Variants in YIPF1 observed in about 807,000 individuals in gnomAD.
The protein encoded by YIPF1 is protein YIPF1.
YIPF1 carries 22 observed loss-of-function variants against 37.0 expected under a neutral mutation model. That is an observed-to-expected ratio of 0.59 (90% CI 0.42 to 0.85). The LOEUF (loss-of-function observed/expected upper bound fraction) is 0.85. Ranked by LOEUF, YIPF1 falls within the 40% of genes least tolerant of loss-of-function variation. YIPF1 has a pLI of 0.00. For missense variants in YIPF1, 355 were observed against 373.1 expected, an observed-to-expected ratio of 0.95 and a Z score of 0.40; for synonymous variants, 128 against 131.9, an observed-to-expected ratio of 0.97 and a Z score of 0.21.
chr1:53,864,068 A>G (rs1036227240), intron 9 of YIPF1, among the ~76,000 whole-genome samples: 1 of 152,034 alleles, frequency 6.6e-6, no homozygotes, highest in African/African-American at 2.4e-5. Flanking sequence ...TAATAACCAT[A>G]ATAGCTCCCT....
intron 10 of YIPF1, among the ~76,000 whole-genome samples, chr1:53,856,205 G>C (rs1001704286): frequency 1.3e-5 from 2 of 152,220 alleles, no homozygotes; most frequent in African/African-American, 4.8e-5. Context: ...CAAGTTCATA[G>C]ATCTGAGCAA....
Position 53,886,251 on chromosome 1 carries a change from G to A in YIPF1, c.31+2656C>T, listed in dbSNP as rs186658706. ...GACCCAGAAGATGGAAAGTGTGCCC[G>A]TGATGGAGGGACAGTGACGGCATAG... On this transcript the variant is annotated intron_variant, in intron 3 of 10. Coordinates refer to ENST00000072644, the MANE Select transcript of YIPF1 (RefSeq NM_018982.5). Among the ~76,000 whole-genome samples, 133 of 151,980 alleles carry A rather than the reference G, an allele frequency of 8.8e-4. 2 individuals are homozygous for A. The highest frequency in any genetic ancestry group is 3.4e-3 in the Middle Eastern group (1 of 294).
chr1:53,855,149 G>C (rs1649687881), intron 10 of YIPF1: 1 of 151,202 alleles, frequency 6.6e-6, no homozygotes, highest in African/African-American at 2.4e-5. Flanking sequence ...TACAAACCCT[G>C]TGTATCCAAT....
At chr1:53,855,715 G>T (rs985185284) in intron 10 of YIPF1, among the ~76,000 whole-genome samples, 4 of 152,318 alleles carry the variant, frequency 2.6e-5, no homozygotes, top group Non-Finnish European at 5.9e-5. Context: ...TAAGTGTGTT[G>T]TAAGCTATAC....
At chr1:53,874,099 C>A (rs1159828822) in intron 6 of YIPF1, among the ~76,000 whole-genome samples, 2 of 152,110 alleles carry the variant, frequency 1.3e-5, no homozygotes, top group African/African-American at 4.8e-5. Flanking sequence ...CTATTATCAT[C>A]CCTCTCCCCC....
chr1:53,866,123 T>C, intron 9 of YIPF1, 77 bp downstream of exon 9: 1 of 1,531,106 alleles, frequency 6.5e-7, no homozygotes, highest in Non-Finnish European at 8.8e-7. Context: ...TTAAAAGAAC[T>C]GTTGTGTCTA....
At chr1:53,870,262 C>G (rs1385618006) in intron 7 of YIPF1, among the ~76,000 whole-genome samples, 1 of 144,950 alleles carries the variant, frequency 6.9e-6, no homozygotes, top group Non-Finnish European at 1.5e-5. Context: ...GCCTCAATCT[C>G]TGGGCTCAAG....
intron 9 of YIPF1, among the ~76,000 whole-genome samples, chr1:53,860,521 G>A (rs182711254): frequency 3.4e-4 from 51 of 152,224 alleles, no homozygotes; most frequent in African/African-American, 1.1e-3. Flanking sequence ...AAGCTAGGTC[G>A]GTCTGACTCC....
intron 3 of YIPF1, chr1:53,886,801 C>T (rs912106625): frequency 6.6e-6 from 1 of 152,006 alleles, no homozygotes; most frequent in Non-Finnish European, 1.5e-5. Context: ...TTGCACTGCA[C>T]TCCTAGATAG....
chr1:53,889,026 A>G (rs957675081), intron 2 of YIPF1, 40 bp from the exon 3 acceptor site: 19 of 1,159,578 alleles, frequency 1.6e-5, no homozygotes, highest in Non-Finnish European at 2.3e-5. Flanking sequence ...GGATGACAGT[A>G]TAAAGTATCT....
Position 53,866,412 on chromosome 1 carries a change from G to C in YIPF1, c.649-30C>G, listed in dbSNP as rs201984838. ...AAGAAGAGAAAAGGAGGAGCGGGGAGTTCTTGGGAGGCATTTGTTCATTCC... is the reference window on the plus strand; with the variant it reads ...AAGAAGAGAAAAGGAGGAGCGGGGACTTCTTGGGAGGCATTTGTTCATTCC... On this transcript the variant is annotated intron_variant, in intron 8 of 10. Transcript: ENST00000072644. 5 of 1,605,222 alleles carry C rather than the reference G, an allele frequency of 3.1e-6. No individual in the cohort carries two copies. In the East Asian group the frequency reaches 1.1e-4, roughly 36 times the overall value.
intron 6 of YIPF1, among the ~76,000 whole-genome samples, chr1:53,876,963 A>C (rs537842067): frequency 6.6e-6 from 1 of 152,364 alleles, no homozygotes; most frequent in South Asian, 2.1e-4. Context: ...TAAAATACTA[A>C]AATAGTGCTT....
At chr1:53,871,256 T>A in intron 7 of YIPF1, 116 bp downstream of exon 7, 1 of 829,096 alleles carries the variant, frequency 1.2e-6, no homozygotes, top group Non-Finnish European at 2.0e-6. Context: ...CATTGAACCC[T>A]AAAACACAAA....
rs1237925517 is a variant in YIPF1, at chr1:53,889,383, G to A, written c.-189C>T. The stretch of plus-strand genomic sequence containing the variant: ...CAGTGGTTAAAGGCACAGGCTCTGG[G>A]GTCAGACAGAGCTGGGTTTGATTCC... On this transcript the variant is annotated 5_prime_UTR_variant, in exon 2 of 11. Transcript: ENST00000072644. 7 of 160,664 alleles carry A rather than the reference G, an allele frequency of 4.4e-5. No individual in the cohort carries two copies. Among genetic ancestry groups the A allele is most frequent in the East Asian group, 1.8e-4 (1 of 5,696 alleles). 10.0% of individuals were successfully genotyped at this position (160,664 alleles called of 1,614,324 possible). A position where few individuals can be genotyped will look rare whatever the true frequency, so the allele number is the denominator to read the frequency against.
chr1:53,880,066 G>A (rs1460678384), intron 4 of YIPF1, among the ~76,000 whole-genome samples: 5 of 151,994 alleles, frequency 3.3e-5, no homozygotes, highest in Admixed American at 2.6e-4. Context: ...AACAAATAAA[G>A]GGTATTCAAA....
At chr1:53,874,171 T>C (rs905462075) in intron 6 of YIPF1, among the ~76,000 whole-genome samples, 2 of 152,090 alleles carry the variant, frequency 1.3e-5, no homozygotes, top group African/African-American at 4.8e-5. Context: ...CTGAGGCTGA[T>C]ATAAAAGGCC....
intron 10 of YIPF1, among the ~76,000 whole-genome samples, chr1:53,854,074 AC>A (rs1294882164): frequency 2.6e-5 from 4 of 152,032 alleles, no homozygotes; most frequent in Admixed American, 6.6e-5. Flanking sequence ...ACATGGCAAA[AC>A]CCCATCTCTA....
At chr1:53,856,171 C>CA (rs1649713105) in intron 10 of YIPF1, among the ~76,000 whole-genome samples, 1 of 152,196 alleles carries the variant, frequency 6.6e-6, no homozygotes, top group South Asian at 2.1e-4. Context: ...GGAGACTTGA[C>CA]ACCCAAATGG....
rs969784995 is a variant in YIPF1 at position 53,872,267 on chromosome 1, C to A, written c.365-779G>T. ...CCAAAGTAAGCAGTTTCTGATGAAA[C>A]CTGCTAGGAATATTCCACTCATGTA... On this transcript the variant is annotated intron_variant, in intron 6 of 10. Transcript: ENST00000072644. Among the ~76,000 whole-genome samples the A allele has an allele frequency of 2.0e-5, 3 of 152,064 alleles. No homozygotes were observed. In the South Asian group the frequency reaches 6.2e-4, roughly 32 times the overall value.
Sources: allele counts gnomAD v4.1 joint callset (sites outside exome capture counted in the v4.1 genomes callset), GRCh38; gene constraint gnomAD v4.1.1; transcripts MANE v1.5; gene names NCBI Gene and HGNC (gene_info 2026-07-23, HGNC 2026-07-21).